The following METTL24 variants were observed in gnomAD, a reference collection of about 807,000 sequenced individuals.
The protein encoded by METTL24 is methyltransferase like 24, also known as probable methyltransferase-like protein 24.
A neutral mutation model predicts 32.7 loss-of-function variants in METTL24; 29 were observed. The observed-to-expected ratio is 0.89, with a 90% CI of 0.66 to 1.21. METTL24 has a LOEUF of 1.21. METTL24 is among the 50% of genes most tolerant of loss of function. The pLI, the probability that METTL24 is intolerant of heterozygous loss-of-function variation, is 0.00. For synonymous variants in METTL24, 163 were observed against 179.5 expected (o/e 0.91, Z 0.73); for missense variants, 439 against 468.1 (o/e 0.94, Z 0.57).
chr6:110,329,503 G>T (rs1416424812), intron 1 of METTL24, among the ~76,000 whole-genome samples: 1 of 149,296 alleles, frequency 6.7e-6, no homozygotes, highest in Non-Finnish European at 1.5e-5. Context: ...TTTAGAGGGG[G>T]TGGGGGTGGG....
At chr6:110,263,323 A>C (rs919562242) in intron 4 of METTL24, among the ~76,000 whole-genome samples, 2 of 152,158 alleles carry the variant, frequency 1.3e-5, no homozygotes, top group Non-Finnish European at 2.9e-5. Context: ...TTATACACCA[A>C]TAACAGACAA....
chr6:110,263,494 T>C (rs961218693), intron 4 of METTL24, among the ~76,000 whole-genome samples: 4 of 152,130 alleles, frequency 2.6e-5, no homozygotes, highest in South Asian at 2.1e-4. Flanking sequence ...TGGAAGAACA[T>C]TTCATGCTCA....
chr6:110,273,577 A>T (rs1770993422), intron 4 of METTL24, among the ~76,000 whole-genome samples: 1 of 152,216 alleles, frequency 6.6e-6, no homozygotes, highest in African/African-American at 2.4e-5. Context: ...CGAATAGACA[A>T]TTCTCAAAAG....
chr6:110,290,324 A>T (rs1006339225), intron 4 of METTL24, among the ~76,000 whole-genome samples: 1 of 152,142 alleles, frequency 6.6e-6, no homozygotes, highest in Non-Finnish European at 1.5e-5. Flanking sequence ...CTTTTCAATA[A>T]ATCTCCAACT....
chr6:110,264,653 C>T (rs1770818468), intron 4 of METTL24, among the ~76,000 whole-genome samples: 1 of 152,154 alleles, frequency 6.6e-6, no homozygotes. Flanking sequence ...AATCATGCTG[C>T]TATAAAGACA....
At chr6:110,286,060 G>C (rs796976411) in intron 4 of METTL24, among the ~76,000 whole-genome samples, 2 of 152,018 alleles carry the variant, frequency 1.3e-5, no homozygotes, top group African/African-American at 4.8e-5. Context: ...TCACTAACAC[G>C]TGCTCGTTTG....
chr6:110,265,874 CCTT>C (rs1215388634), intron 4 of METTL24, among the ~76,000 whole-genome samples: 7 of 116,846 alleles, frequency 6.0e-5, no homozygotes, highest in East Asian at 2.3e-4. Context: ...TCCTCCTCCT[CCTT>C]CTTCCTCTTC....
At chr6:110,293,504 T>C (rs1169530268) in intron 4 of METTL24, among the ~76,000 whole-genome samples, 5 of 152,006 alleles carry the variant, frequency 3.3e-5, no homozygotes, top group East Asian at 1.9e-4. Context: ...TATACCATCA[T>C]ATTGTCTTCA....
intron 4 of METTL24, among the ~76,000 whole-genome samples, chr6:110,259,948 A>T (rs992075249): frequency 1.1e-4 from 17 of 152,224 alleles, no homozygotes; most frequent in African/African-American, 4.1e-4. Context: ...GGACATCCAC[A>T]CCAAAACCCC....
At chr6:110,320,774 A>G (rs141717900) in intron 2 of METTL24, among the ~76,000 whole-genome samples, 189 of 152,310 alleles carry the variant, frequency 1.2e-3, no homozygotes, top group African/African-American at 4.3e-3. Context: ...ATACTTGGTT[A>G]ATAACCATTC....
intron 1 of METTL24, among the ~76,000 whole-genome samples, chr6:110,348,219 G>A (rs373962281): frequency 6.6e-6 from 1 of 152,182 alleles, no homozygotes. Context: ...TTAAGTATTA[G>A]TAACTTTTTT....
chr6:110,280,426 C>A (rs933253843), intron 4 of METTL24, among the ~76,000 whole-genome samples: 9 of 152,012 alleles, frequency 5.9e-5, no homozygotes, highest in Non-Finnish European at 8.8e-5. Context: ...TTATACTTCA[C>A]GTATTCAGTT....
intron 1 of METTL24, among the ~76,000 whole-genome samples, chr6:110,338,348 A>T (rs1322857590): frequency 1.3e-5 from 2 of 152,152 alleles, no homozygotes; most frequent in Non-Finnish European, 2.9e-5. Flanking sequence ...AAATACAAAA[A>T]TTAGCTGGGC....
At chr6:110,300,391 C>CTTCAGTTCAG (rs2114733074) in intron 3 of METTL24, among the ~76,000 whole-genome samples, 1 of 135,988 alleles carries the variant, frequency 7.4e-6, no homozygotes, top group East Asian at 2.1e-4. Flanking sequence ...TAAAATAAGC[C>CTTCAGTTCAG]TTCAGTTCAG....
chr6:110,337,982 G>A (rs976471), intron 1 of METTL24, among the ~76,000 whole-genome samples: 95,923 of 152,032 alleles, frequency 0.63, 30,355 homozygotes, highest in South Asian at 0.68. Flanking sequence ...CATGTGTTTT[G>A]CTGCTTTTAC....
chr6:110,340,487 T>A (rs990299000), intron 1 of METTL24, among the ~76,000 whole-genome samples: 2 of 152,174 alleles, frequency 1.3e-5, no homozygotes, highest in African/African-American at 4.8e-5. Context: ...GAGTGGTCCA[T>A]CACAGGAGCC....
At chr6:110,326,454 T>G (rs772423192) in intron 1 of METTL24, among the ~76,000 whole-genome samples, 31 of 152,254 alleles carry the variant, frequency 2.0e-4, no homozygotes, top group Non-Finnish European at 4.4e-4. Context: ...CTTGTTCACC[T>G]GTCTTTTGTT....
At chr6:110,342,477 C>T (rs1772378634) in intron 1 of METTL24, among the ~76,000 whole-genome samples, 1 of 152,210 alleles carries the variant, frequency 6.6e-6, no homozygotes, top group South Asian at 2.1e-4. Flanking sequence ...TTCTCTTTAT[C>T]TGAACAGAGA....
intron 4 of METTL24, among the ~76,000 whole-genome samples, chr6:110,276,389 T>G (rs570262169): frequency 6.6e-6 from 1 of 152,192 alleles, no homozygotes; most frequent in Non-Finnish European, 1.5e-5. Flanking sequence ...AGTTTGAGGT[T>G]GCAGTGAGCT....
Sources: gnomAD v4.1 joint callset for allele counts (sites outside exome capture counted in the v4.1 genomes callset) on GRCh38, gnomAD v4.1.1 for gene constraint, MANE v1.5 for transcripts, NCBI Gene and HGNC (gene_info 2026-07-23, HGNC 2026-07-21) for gene names.